Variants in PCSK6 observed in about 807,000 individuals in gnomAD.
PCSK6 encodes the protein proprotein convertase subtilisin/kexin type 6, also known as paired basic amino acid cleaving enzyme 4.
A neutral mutation model predicts 123.3 loss-of-function variants in PCSK6; 85 were observed. That is an observed-to-expected ratio of 0.69 (90% CI 0.58 to 0.83). The LOEUF (loss-of-function observed/expected upper bound fraction) is 0.83, where lower values mean the gene tolerates loss of function less well. Ranked by LOEUF, PCSK6 falls within the 40% of genes least tolerant of loss-of-function variation. The pLI, the probability that PCSK6 is intolerant of heterozygous loss-of-function variation, is 0.00. For missense variants in PCSK6, 1,191 were observed against 1,282.3 expected (o/e 0.93, Z 1.09); for synonymous variants, 508 against 516.0 (o/e 0.98, Z 0.21).
At chr15:101,396,555 G>A (rs759698936) in intron 7 of PCSK6, among the ~76,000 whole-genome samples, 2 of 151,986 alleles carry the variant, frequency 1.3e-5, no homozygotes, top group Non-Finnish European at 2.9e-5. Flanking sequence ...AGGATGTCTC[G>A]CTTGTCATCA....
chr15:101,467,412 C>T (rs11247294), intron 1 of PCSK6, among the ~76,000 whole-genome samples: 112,124 of 151,656 alleles, frequency 0.74, 42,274 homozygotes, highest in Non-Finnish European at 0.83. Flanking sequence ...GCTGGGACTA[C>T]GAGTGCCCAC....
At chr15:101,370,638 G>A (rs925312914) in intron 11 of PCSK6, 115 bp from the exon 12 acceptor site, 87 of 973,216 alleles carry the variant, frequency 8.9e-5, no homozygotes, top group Middle Eastern at 7.2e-4. Context: ...AGGGCCCTGC[G>A]GGCCCCGGGG....
intron 6 of PCSK6, among the ~76,000 whole-genome samples, chr15:101,427,186 G>T (rs1228613989): frequency 6.6e-6 from 1 of 152,138 alleles, no homozygotes; most frequent in Admixed American, 6.5e-5. Flanking sequence ...AAGCTAAATG[G>T]CAAGACCAGA....
chr15:101,435,310 CAAA>C (rs752733001), intron 2 of PCSK6, among the ~76,000 whole-genome samples: 32 of 129,078 alleles, frequency 2.5e-4, no homozygotes, highest in Non-Finnish European at 3.0e-4. Context: ...GACTCTGTCT[CAAA>C]AAAAAAAAGA....
chr15:101,321,616 G>C (rs375416753), intron 18 of PCSK6, among the ~76,000 whole-genome samples: 1 of 152,230 alleles, frequency 6.6e-6, no homozygotes, highest in Non-Finnish European at 1.5e-5. Context: ...TTCTTCTATG[G>C]AGAATTCCAG....
At chr15:101,381,743 A>G (rs578107621) in intron 11 of PCSK6, among the ~76,000 whole-genome samples, 45 of 152,212 alleles carry the variant, frequency 3.0e-4, no homozygotes, top group Admixed American at 2.8e-3. Context: ...GCTACTCCCC[A>G]TTTCACTTTC....
intron 11 of PCSK6, among the ~76,000 whole-genome samples, chr15:101,377,708 G>T (rs2041792641): frequency 6.6e-6 from 1 of 152,210 alleles, no homozygotes; most frequent in Non-Finnish European, 1.5e-5. Context: ...CAGGTGATAT[G>T]CGGCTAATCC....
chr15:101,372,762 C>T (rs1459232036), intron 11 of PCSK6, among the ~76,000 whole-genome samples: 1 of 152,176 alleles, frequency 6.6e-6, no homozygotes, highest in Non-Finnish European at 1.5e-5. Flanking sequence ...CAGTCAACCC[C>T]AAAAACCAGG....
intron 6 of PCSK6, among the ~76,000 whole-genome samples, chr15:101,413,533 CT>C (rs2055779492): frequency 6.6e-6 from 1 of 151,988 alleles, no homozygotes; most frequent in Non-Finnish European, 1.5e-5. Context: ...GACTTAACCC[CT>C]AATGTATCAA....
intron 13 of PCSK6, chr15:101,337,549 T>C (rs1490315200): frequency 2.0e-5 from 3 of 152,262 alleles, no homozygotes; most frequent in Non-Finnish European, 4.4e-5. Context: ...TATTTCCTCC[T>C]GGGCTCTTTC....
chr15:101,388,532 G>A (rs2042136129), intron 9 of PCSK6, among the ~76,000 whole-genome samples: 1 of 151,814 alleles, frequency 6.6e-6, no homozygotes, highest in African/African-American at 2.4e-5. Flanking sequence ...TTTCTTGACT[G>A]TTAATTTATA....
At chr15:101,396,903 G>A (rs1207573899) in intron 7 of PCSK6, among the ~76,000 whole-genome samples, 3 of 152,060 alleles carry the variant, frequency 2.0e-5, no homozygotes, top group Admixed American at 1.3e-4. Context: ...TACTAAACTC[G>A]GAGGGACAGG....
chr15:101,433,779 A>G (rs1376709517), intron 2 of PCSK6, among the ~76,000 whole-genome samples: 1 of 152,224 alleles, frequency 6.6e-6, no homozygotes, highest in African/African-American at 2.4e-5. Flanking sequence ...GCCTCCCCAC[A>G]TCACCCTGAG....
At chr15:101,456,090 T>C in intron 1 of PCSK6, among the ~76,000 whole-genome samples, 1 of 152,218 alleles carries the variant, frequency 6.6e-6, no homozygotes, top group Non-Finnish European at 1.5e-5. Flanking sequence ...ATGGAATATT[T>C]GCCAATAAAT....
chr15:101,372,663 C>T (rs550083500), intron 11 of PCSK6, among the ~76,000 whole-genome samples: 4 of 152,232 alleles, frequency 2.6e-5, no homozygotes, highest in South Asian at 2.1e-4. Context: ...AAGGTGGGTA[C>T]GTTAGGGAGA....
At chr15:101,456,994 A>G (rs2057201160) in intron 1 of PCSK6, among the ~76,000 whole-genome samples, 1 of 152,104 alleles carries the variant, frequency 6.6e-6, no homozygotes, top group South Asian at 2.1e-4. Context: ...CAACATGGTG[A>G]AACCCCGTCT....
intron 11 of PCSK6, among the ~76,000 whole-genome samples, chr15:101,377,660 C>G (rs531443195): frequency 6.6e-6 from 1 of 152,160 alleles, no homozygotes; most frequent in Admixed American, 6.5e-5. Flanking sequence ...TTAAAATGAC[C>G]GCCATACGCA....
intron 13 of PCSK6, chr15:101,364,974 C>G: frequency 1.3e-6 from 1 of 777,694 alleles, no homozygotes; most frequent in East Asian, 2.4e-5. Flanking sequence ...ACCAATGGAA[C>G]AGAATCGAGA....
chr15:101,361,165 T>TCTC (rs35082925), intron 13 of PCSK6, among the ~76,000 whole-genome samples: 48 of 69,948 alleles, frequency 6.9e-4, no homozygotes, highest in East Asian at 6.4e-3. Flanking sequence ...TTTCTCTCTC[T>TCTC]TTTTTTTTTT....
Sources: gnomAD v4.1 joint callset for allele counts (sites outside exome capture counted in the v4.1 genomes callset) on GRCh38, gnomAD v4.1.1 for gene constraint, MANE v1.5 for transcripts, NCBI Gene and HGNC (gene_info 2026-07-23, HGNC 2026-07-21) for gene names.